Variants in UST observed in about 807,000 individuals in gnomAD.
UST encodes the protein chondroitin sulfate 2-O-sulfotransferase.
In UST, 21 loss-of-function variants were observed where a neutral mutation model predicts 45.6. The observed-to-expected ratio is 0.46, with a 90% CI of 0.33 to 0.66. The LOEUF (loss-of-function observed/expected upper bound fraction) is 0.66. UST is among the 30% of genes least tolerant of loss of function. UST has a pLI of 0.02. For missense variants in UST, 463 were observed against 512.4 expected (o/e 0.90, Z 0.93); for synonymous variants, 215 against 200.6 (o/e 1.07, Z -0.61).
At chr6:148,995,893 G>A (rs886655658) in intron 5 of UST, among the ~76,000 whole-genome samples, 2 of 152,202 alleles carry the variant, frequency 1.3e-5, no homozygotes, top group African/African-American at 2.4e-5. Flanking sequence ...GCAGGCACAG[G>A]GCCCTATTCA....
In UST at chr6:149,073,848, G is replaced by A; in HGVS notation, c.953G>A (p.Gly318Glu). The A allele has an allele frequency of 6.2e-7, 1 of 1,613,396 alleles. No homozygotes were observed. The highest frequency in any genetic ancestry group is 1.3e-5 in the African/African-American group (1 of 75,038). The change falls in exon 8 of 8, where the codon GGA (glycine) becomes GAA (glutamate). Residue 318 changes from glycine (G) to glutamate (E), a missense_variant. Gly to Glu is a moderately conservative substitution (Grantham distance 98, BLOSUM62 -2). Transcript: ENST00000367463. The part of the protein sequence containing the change: ...IYKDPEHRKL[G>E]NMTVTVKKTV... The stretch of plus-strand genomic sequence containing the variant: ...TCTCTTCCAGAGCACAGGAAGCTTG[G>A]AAACATGACTGTGACGGTGAAGAAG...
At chr6:149,043,547 C>T (rs1776357508) in intron 7 of UST, among the ~76,000 whole-genome samples, 1 of 152,268 alleles carries the variant, frequency 6.6e-6, no homozygotes, top group Non-Finnish European at 1.5e-5. Flanking sequence ...AGTGCTGTGG[C>T]CTCCTTTTCT....
At chr6:149,048,341 G>A (rs1362095424) in intron 7 of UST, among the ~76,000 whole-genome samples, 5 of 152,154 alleles carry the variant, frequency 3.3e-5, no homozygotes, top group East Asian at 1.9e-4. Flanking sequence ...TCAGGAGTTC[G>A]AGACCAGCCT....
intron 1 of UST, among the ~76,000 whole-genome samples, chr6:148,866,780 A>G (rs1778441066): frequency 6.6e-6 from 1 of 152,122 alleles, no homozygotes; most frequent in African/African-American, 2.4e-5. Context: ...TTTTGCTTCA[A>G]TGCCTCTTTG....
At chr6:148,998,898 A>C (rs1582951626) in intron 5 of UST, among the ~76,000 whole-genome samples, 1 of 152,342 alleles carries the variant, frequency 6.6e-6, no homozygotes, top group East Asian at 1.9e-4. Context: ...CCAAGGCAGC[A>C]CTTGCAGCAC....
At chr6:148,981,397 G>A (rs1426095540) in intron 5 of UST, among the ~76,000 whole-genome samples, 2 of 152,204 alleles carry the variant, frequency 1.3e-5, no homozygotes, top group African/African-American at 4.8e-5. Flanking sequence ...TAACCACTAT[G>A]CCAAACTGCT....
chr6:148,899,623 T>C (rs560634411), intron 2 of UST, among the ~76,000 whole-genome samples: 32 of 152,210 alleles, frequency 2.1e-4, no homozygotes, highest in Non-Finnish European at 3.5e-4. Context: ...CCTGTCACAT[T>C]TGTTGCAAAT....
intron 7 of UST, among the ~76,000 whole-genome samples, chr6:149,050,113 CAGGACTTG>C (rs1361909242): frequency 2.0e-5 from 3 of 152,126 alleles, no homozygotes; most frequent in African/African-American, 7.2e-5. Context: ...CCATTAAGGG[CAGGACTTG>C]GCTTTCCAGG....
rs553826056 is a variant in UST, at chr6:148,810,082, T to C, written c.247+62405T>C. ...TGCCAAAGTCAATTTTAGGATGCAG[T>C]TGGGTTAAATTAGTAGCTAGAAGAT... On this transcript the variant is annotated intron_variant, in intron 1 of 7. Transcript: ENST00000367463. 2.0e-5 allele frequency among the ~76,000 whole-genome samples: 3 copies of C among 152,342 alleles called. No individual in the cohort carries two copies. In the East Asian group the frequency reaches 5.8e-4, roughly 29 times the overall value.
intron 1 of UST, among the ~76,000 whole-genome samples, chr6:148,830,963 G>A (rs1186024333): frequency 3.3e-5 from 5 of 151,050 alleles, no homozygotes; most frequent in African/African-American, 7.3e-5. Flanking sequence ...TATGTATTTT[G>A]CCACAGTAAA....
intron 1 of UST, among the ~76,000 whole-genome samples, chr6:148,756,308 T>C (rs1408128767): frequency 6.6e-6 from 1 of 152,116 alleles, no homozygotes; most frequent in Non-Finnish European, 1.5e-5. Context: ...TCTGCCATCA[T>C]TGTAAGTTTC....
intron 7 of UST, among the ~76,000 whole-genome samples, chr6:149,047,950 A>G (rs1040586971): frequency 2.0e-5 from 3 of 152,190 alleles, no homozygotes; most frequent in African/African-American, 7.2e-5. Context: ...TCAGATAGAC[A>G]AGTCAGTGAA....
chr6:148,896,199 C>T (rs1779125948), intron 2 of UST, among the ~76,000 whole-genome samples: 1 of 152,212 alleles, frequency 6.6e-6, no homozygotes, highest in African/African-American at 2.4e-5. Flanking sequence ...TACACAGTCT[C>T]CTTTGGTTAG....
chr6:148,981,618 C>T (rs968340346), intron 5 of UST, among the ~76,000 whole-genome samples: 9 of 152,220 alleles, frequency 5.9e-5, no homozygotes, highest in Admixed American at 5.2e-4. Flanking sequence ...CCTAAACACA[C>T]ACACAGGGTC....
At chr6:148,927,582 T>TA (rs1298515015) in intron 2 of UST, among the ~76,000 whole-genome samples, 1 of 152,188 alleles carries the variant, frequency 6.6e-6, no homozygotes, top group Non-Finnish European at 1.5e-5. Flanking sequence ...GGAGCACTAA[T>TA]ACTCATGGTT....
At chr6:149,028,520 A>C (rs1776084024) in intron 7 of UST, among the ~76,000 whole-genome samples, 1 of 152,240 alleles carries the variant, frequency 6.6e-6, no homozygotes, top group Non-Finnish European at 1.5e-5. Flanking sequence ...ATTATCCTTG[A>C]CCTGTTTCAC....
At chr6:149,035,121 C>T (rs999359395) in intron 7 of UST, among the ~76,000 whole-genome samples, 4 of 152,062 alleles carry the variant, frequency 2.6e-5, no homozygotes, top group Admixed American at 6.6e-5. Context: ...CTATGCGCTT[C>T]GCTGTTTTTT....
intron 1 of UST, among the ~76,000 whole-genome samples, chr6:148,832,912 C>T (rs1777716353): frequency 6.6e-6 from 1 of 152,178 alleles, no homozygotes; most frequent in Admixed American, 6.5e-5. Flanking sequence ...GTATTTCTAT[C>T]TTTTCTTTGT....
chr6:148,821,050 A>G (rs1025130402), intron 1 of UST, among the ~76,000 whole-genome samples: 32 of 139,940 alleles, frequency 2.3e-4, no homozygotes, highest in Non-Finnish European at 3.8e-4. Context: ...GCTCACTGCA[A>G]CCTCCACCTC....
Sources: gnomAD v4.1 joint callset for allele counts (sites outside exome capture counted in the v4.1 genomes callset) on GRCh38, gnomAD v4.1.1 for gene constraint, MANE v1.5 for transcripts, NCBI Gene and HGNC (gene_info 2026-07-23, HGNC 2026-07-21) for gene names.